CDH13: variants seen among roughly 807,000 people sequenced by gnomAD.
The protein encoded by CDH13 is cadherin 13, also known as cadherin-13.
Under a neutral mutation model 63.8 loss-of-function variants are expected in CDH13, and 24 were observed. That is an observed-to-expected ratio of 0.38 (90% CI 0.27 to 0.53). The LOEUF is 0.53. Ranked by LOEUF, CDH13 falls within the 20% of genes least tolerant of loss-of-function variation. The probability of loss-of-function intolerance (pLI) is 0.85; values close to 1 mark genes in which losing one functional copy is unlikely to be tolerated. For missense variants in CDH13, 1,049 were observed against 903.1 expected, an observed-to-expected ratio of 1.16 and a Z score of -2.07; for synonymous variants, 503 against 355.3, an observed-to-expected ratio of 1.42 and a Z score of -4.67.
intron 1 of CDH13, among the ~76,000 whole-genome samples, chr16:82,678,226 A>T (rs1323727550): frequency 6.6e-6 from 1 of 152,118 alleles, no homozygotes; most frequent in African/African-American, 2.4e-5. Context: ...GGTATAGTTC[A>T]TAGGTCTAGG....
chr16:83,035,140 A>G (rs1357808351), intron 3 of CDH13, among the ~76,000 whole-genome samples: 1 of 152,186 alleles, frequency 6.6e-6, no homozygotes, highest in East Asian at 1.9e-4. Context: ...AGATAGCAAA[A>G]GAATCCCTCT....
intron 1 of CDH13, among the ~76,000 whole-genome samples, chr16:82,739,917 A>C (rs1364693989): frequency 3.3e-5 from 5 of 152,228 alleles, no homozygotes; most frequent in Admixed American, 3.3e-4. Context: ...TTGGCTACCT[A>C]TGAAATTATG....
intron 1 of CDH13, among the ~76,000 whole-genome samples, chr16:82,714,259 A>G (rs558194924): frequency 2.0e-4 from 31 of 152,294 alleles, no homozygotes; most frequent in Admixed American, 3.9e-4. Context: ...TTCCAAGTCT[A>G]TTAAGTATTG....
At chr16:83,065,311 G>A (rs1216179959) in intron 3 of CDH13, among the ~76,000 whole-genome samples, 2 of 152,184 alleles carry the variant, frequency 1.3e-5, no homozygotes, top group Admixed American at 1.3e-4. Flanking sequence ...AAAGCCTTAA[G>A]AAGTGAGTTG....
At chr16:83,429,769 A>T (rs2072036578) in intron 6 of CDH13, among the ~76,000 whole-genome samples, 1 of 152,124 alleles carries the variant, frequency 6.6e-6, no homozygotes, top group Admixed American at 6.5e-5. Flanking sequence ...TTTTTATTTT[A>T]TTTTATTGTG....
intron 6 of CDH13, among the ~76,000 whole-genome samples, chr16:83,418,267 G>A (rs1363330895): frequency 6.6e-6 from 1 of 152,106 alleles, no homozygotes; most frequent in Non-Finnish European, 1.5e-5. Context: ...ATTATGAAAA[G>A]CATTTAGCTC....
chr16:82,869,129 C>G (rs1033556644), intron 2 of CDH13, among the ~76,000 whole-genome samples: 1 of 152,166 alleles, frequency 6.6e-6, no homozygotes, highest in Non-Finnish European at 1.5e-5. Flanking sequence ...TCACTGCAAC[C>G]TCTGCCTCCT....
chr16:83,765,549 T>C (rs1914316935), intron 11 of CDH13, among the ~76,000 whole-genome samples: 3 of 122,080 alleles, frequency 2.5e-5, no homozygotes, highest in Middle Eastern at 8.3e-3. Flanking sequence ...TATATATATA[T>C]ATATACACAC....
intron 1 of CDH13, among the ~76,000 whole-genome samples, chr16:82,799,803 C>T (rs1333772368): frequency 6.6e-6 from 1 of 152,188 alleles, no homozygotes; most frequent in African/African-American, 2.4e-5. Flanking sequence ...GGAGACTACA[C>T]AAAGTGTAGA....
intron 5 of CDH13, among the ~76,000 whole-genome samples, chr16:83,244,301 T>A (rs1904767142): frequency 6.6e-6 from 1 of 152,136 alleles, no homozygotes. Context: ...ACAATTTATT[T>A]AACAAACATC....
At chr16:83,120,327 G>T (rs1238824331) in intron 3 of CDH13, among the ~76,000 whole-genome samples, 2 of 152,158 alleles carry the variant, frequency 1.3e-5, no homozygotes, top group African/African-American at 4.8e-5. Flanking sequence ...GGTAGGATGG[G>T]GATGGGATTC....
At chr16:83,570,360 G>T (rs1375638884) in intron 7 of CDH13, among the ~76,000 whole-genome samples, 1 of 152,076 alleles carries the variant, frequency 6.6e-6, no homozygotes, top group Admixed American at 6.5e-5. Context: ...CCTGGTCTCT[G>T]ATGACACTTG....
intron 1 of CDH13, among the ~76,000 whole-genome samples, chr16:82,706,879 G>A (rs1309187879): frequency 6.6e-6 from 1 of 152,154 alleles, no homozygotes; most frequent in Non-Finnish European, 1.5e-5. Flanking sequence ...TTAGGTATAT[G>A]TGCCTGCCAC....
chr16:82,949,012 G>C (rs1393259934), intron 2 of CDH13, among the ~76,000 whole-genome samples: 3 of 152,148 alleles, frequency 2.0e-5, no homozygotes, highest in Non-Finnish European at 4.4e-5. Context: ...CATTGTGAGA[G>C]AGTTTTCAAA....
chr16:83,588,340 C>G (rs900100406), intron 7 of CDH13, among the ~76,000 whole-genome samples: 1 of 152,190 alleles, frequency 6.6e-6, no homozygotes, highest in Non-Finnish European at 1.5e-5. Flanking sequence ...AACCTGAGGC[C>G]AAATTTGCTG....
intron 1 of CDH13, among the ~76,000 whole-genome samples, chr16:82,632,928 G>T (rs377059196): frequency 2.3e-4 from 35 of 152,182 alleles, no homozygotes; most frequent in African/African-American, 8.2e-4. Context: ...AGGAGAAGGC[G>T]ACCTAGATCC....
At chr16:83,240,206 C>A (rs1179195146) in intron 5 of CDH13, among the ~76,000 whole-genome samples, 2 of 152,098 alleles carry the variant, frequency 1.3e-5, no homozygotes, top group Non-Finnish European at 2.9e-5. Flanking sequence ...CCCTTCTTGG[C>A]AACCCTGGAA....
At chr16:83,179,250 C>G (rs1287776922) in intron 4 of CDH13, among the ~76,000 whole-genome samples, 1 of 152,072 alleles carries the variant, frequency 6.6e-6, no homozygotes, top group Non-Finnish European at 1.5e-5. Context: ...GACCACAGAA[C>G]TTTTGTGTTC....
chr16:83,753,620 G>T (rs1047787058), intron 11 of CDH13, among the ~76,000 whole-genome samples: 1 of 152,130 alleles, frequency 6.6e-6, no homozygotes, highest in Non-Finnish European at 1.5e-5. Context: ...TAGTTTTATA[G>T]AAATTTAATT....
Sources: gnomAD v4.1 joint callset for allele counts (sites outside exome capture counted in the v4.1 genomes callset) on GRCh38, gnomAD v4.1.1 for gene constraint, MANE v1.5 for transcripts, NCBI Gene and HGNC (gene_info 2026-07-23, HGNC 2026-07-21) for gene names.